ZNF620: variants seen among roughly 807,000 people sequenced by gnomAD.
The protein encoded by ZNF620 is zinc finger protein 620.
A neutral mutation model predicts 13.3 loss-of-function variants in ZNF620; 10 were observed. The ratio of observed to expected loss-of-function variants is 0.75; its 90% CI spans 0.46 to 1.28. The LOEUF (loss-of-function observed/expected upper bound fraction) is 1.28, where lower values mean the gene tolerates loss of function less well. ZNF620 is among the 50% of genes most tolerant of loss of function. ZNF620 has a pLI of 0.00. For missense variants in ZNF620, 461 were observed against 500.2 expected (o/e 0.92, Z 0.75); for synonymous variants, 166 against 177.6 (o/e 0.93, Z 0.52).
chr3:40,507,700 G>T (rs1575285896), intron 2 of ZNF620, among the ~76,000 whole-genome samples: 1 of 152,254 alleles, frequency 6.6e-6, no homozygotes, highest in East Asian at 1.9e-4. Context: ...CAACAGTGAA[G>T]CTATCTAGGC....
intron 2 of ZNF620, among the ~76,000 whole-genome samples, chr3:40,506,731 T>C (rs1698032780): frequency 6.6e-6 from 1 of 152,220 alleles, no homozygotes; most frequent in South Asian, 2.1e-4. Context: ...TCCATTGTAT[T>C]TTCTACATAG....
At position 40,507,229 on chromosome 3, in the gene ZNF620, C is replaced by G. The variant is rs556975230; in HGVS notation, c.24+853C>G. ...GCCTCAGCCTCCCGAGTAGCTGGGA[C>G]TACAAGCACGCGCCACCACACCCAG... On this transcript the variant is annotated intron_variant, in intron 2 of 4. Transcript: ENST00000314529. 2.6e-5 allele frequency among the ~76,000 whole-genome samples: 4 copies of G among 151,402 alleles called. No individual in the cohort carries two copies. In the South Asian group the frequency reaches 6.3e-4, roughly 24 times the overall value.
intron 2 of ZNF620, 62 bp from the exon 3 acceptor site, chr3:40,511,408 C>T: frequency 1.3e-6 from 2 of 1,587,776 alleles, no homozygotes; most frequent in Non-Finnish European, 8.6e-7. Context: ...AGATCTCTGC[C>T]CCACTACTTA....
chr3:40,512,533 C>G lies in ZNF620; in HGVS notation c.265+18C>G. On this transcript the variant is annotated intron_variant, in intron 4 of 4. Transcript: ENST00000314529. ...CTGTCCAGGTGAGCATGAGAACCCA[C>G]TAGCTGCCTTTTTGGCTTGGCTTGC... 1.3e-6 allele frequency: 2 copies of G among 1,552,646 alleles called. No individual in the cohort carries two copies. The highest frequency in any genetic ancestry group is 1.7e-6 in the Non-Finnish European group (2 of 1,148,204).
intron 2 of ZNF620, among the ~76,000 whole-genome samples, chr3:40,509,289 T>C (rs1698126818): frequency 6.6e-6 from 1 of 152,110 alleles, no homozygotes; most frequent in East Asian, 1.9e-4. Flanking sequence ...TGGAGTGCAA[T>C]GGTATGATCT....
In ZNF620 at chr3:40,511,688, C is replaced by CT. The variant is rs995714425; in HGVS notation, c.151+102dup. 6.8e-3 allele frequency: 8,987 copies of CT among 1,316,136 alleles called. 2 individuals are homozygous for CT. Among genetic ancestry groups the CT allele is most frequent in the Middle Eastern group, 0.015 (74 of 4,906 alleles). The allele number at this position is 1,316,136 out of a possible 1,614,324, so 81.5% of individuals were successfully genotyped here. A position where few individuals can be genotyped will look rare whatever the true frequency, so the allele number is the denominator to read the frequency against. ...CTTTGTGGGGTTTTTTTCTTTTTTT[C>CT]TTTTTTTTTTGAGACAAGAGTCTCC... On this transcript the variant is annotated intron_variant, in intron 3 of 4. Coordinates refer to ENST00000314529, the MANE Select transcript of ZNF620 (RefSeq NM_175888.4).
chr3:40,513,096 A>G (rs1160396611), intron 4 of ZNF620, among the ~76,000 whole-genome samples: 1 of 151,968 alleles, frequency 6.6e-6, no homozygotes, highest in Non-Finnish European at 1.5e-5. Flanking sequence ...ACAGATACTT[A>G]AAAAAATTTC....
At chr3:40,509,915 ATGATATCT>A (rs1437125710) in intron 2 of ZNF620, among the ~76,000 whole-genome samples, 1 of 152,076 alleles carries the variant, frequency 6.6e-6, no homozygotes, top group Non-Finnish European at 1.5e-5. Flanking sequence ...CGTTTTTTGC[ATGATATCT>A]TGAAAATTGT....
rs1175873484 is a variant in ZNF620, at chr3:40,512,456, C to G, written c.206C>G (p.Pro69Arg). The G allele has an allele frequency of 1.2e-6, 2 of 1,614,242 alleles. No homozygotes were observed. Among genetic ancestry groups the G allele is most frequent in the Admixed American group, 3.3e-5 (2 of 60,036 alleles). Residue 69 changes from proline (P) to arginine (R), a missense_variant, in exon 4 of 5, where the codon CCA (proline) becomes CGA (arginine). Transcript: ENST00000314529. ...TCCCAGCTGGAGCAAGGGGAACTGC[C>G]ATGGGGCCTCGATCCCTGGGAACCT... ...LVSQLEQGEL[P>R]WGLDPWEPMG...
At chr3:40,515,742 T>C in intron 4 of ZNF620, 118 bp from the exon 5 acceptor site, 1 of 1,321,228 alleles carries the variant, frequency 7.6e-7, no homozygotes, top group Non-Finnish European at 1.0e-6. Context: ...CAGGGCAAAT[T>C]AGAACCACTT....
Position 40,515,845 on chromosome 3 carries a change from T to C in ZNF620, c.266-15T>C. 1 of 1,586,900 alleles carries C rather than the reference T, an allele frequency of 6.3e-7. No individual in the cohort carries two copies. On this transcript the variant is annotated splice_polypyrimidine_tract_variant and intron_variant, in intron 4 of 4. Transcript: ENST00000314529. ...GATATCAGGGACTGACATTTGTATT[T>C]TCTTTTTGTGATAGGGGATGAGGCC...
Position 40,516,549 on chromosome 3 carries a change from T to C in ZNF620, c.955T>C (p.Cys319Arg). The change falls in exon 5 of 5, where the codon TGC becomes CGC. Residue 319 changes from cysteine (C) to arginine (R), a missense_variant. Cys to Arg is a radical substitution (Grantham distance 180). Transcript: ENST00000314529. ...TAACGAATGTTGGAAAACTTTCAGTTGCAGCTCAAGTTTCACTGTCCATCA... is the reference window on the plus strand; with the variant it reads ...TAACGAATGTTGGAAAACTTTCAGTCGCAGCTCAAGTTTCACTGTCCATCA... ...ECNECWKTFS[C>R]SSSFTVHQRM... 1 of 1,614,106 alleles carries C rather than the reference T, an allele frequency of 6.2e-7. No individual in the cohort carries two copies. The highest frequency in any genetic ancestry group is 8.5e-7 in the Non-Finnish European group (1 of 1,180,020).
intron 2 of ZNF620, among the ~76,000 whole-genome samples, chr3:40,509,582 C>T (rs1280834194): frequency 1.3e-5 from 2 of 152,076 alleles, no homozygotes; most frequent in Admixed American, 6.6e-5. Context: ...TATCAGGCAT[C>T]GTTCTTTTCA....
chr3:40,511,625 C>T, intron 3 of ZNF620, 29 bp downstream of exon 3: 1 of 1,607,534 alleles, frequency 6.2e-7, no homozygotes, highest in East Asian at 2.2e-5. Flanking sequence ...TTTTTGGCCT[C>T]TGCCCTTTAA....
rs1489252943 is a variant in ZNF620, at chr3:40,513,317, ATATATAT to A, written c.265+803_265+809del. ...CCGTCTCAACTAAAAAAAAAAAAAA[ATATATAT>A]ATATATATATATATATATATATATA... On this transcript the variant is annotated intron_variant, in intron 4 of 4. Transcript: ENST00000314529. Among the ~76,000 whole-genome samples, 148 of 90,342 alleles carry A rather than the reference ATATATAT, an allele frequency of 1.6e-3. 8 individuals are homozygous for A. Among genetic ancestry groups the A allele is most frequent in the African/African-American group, 6.6e-3 (139 of 21,194 alleles). 59.3% of individuals were successfully genotyped at this position (90,342 alleles called of 152,430 possible).
intron 4 of ZNF620, among the ~76,000 whole-genome samples, chr3:40,514,514 T>C (rs1480639428): frequency 6.6e-6 from 1 of 152,060 alleles, no homozygotes; most frequent in East Asian, 1.9e-4. Flanking sequence ...CCATCTCTCG[T>C]CTCTGCACAT....
In ZNF620 at chr3:40,516,346, C is replaced by T. The variant is rs373531390; in HGVS notation, c.752C>T (p.Pro251Leu). Residue 251 changes from proline (P) to leucine (L), a missense_variant, in exon 5 of 5, where the codon CCA (proline) becomes CTA (leucine). Physicochemically the swap from Pro to Leu is moderately conservative, Grantham distance 98 (BLOSUM62 -3). Transcript: ENST00000314529. The part of the protein sequence containing the change: ...RHQIIHTGKK[P>L]FKCKECGKGL... ...CAGATAATTCACACTGGAAAGAAACCATTTAAATGTAAAGAATGTGGAAAA... is the reference window on the plus strand; with the variant it reads ...CAGATAATTCACACTGGAAAGAAACTATTTAAATGTAAAGAATGTGGAAAA... 2 of 1,614,042 alleles carry T rather than the reference C, an allele frequency of 1.2e-6. No homozygotes were observed. The highest frequency in any genetic ancestry group is 1.7e-6 in the Non-Finnish European group (2 of 1,180,038).
At chr3:40,513,095 T>TA (rs1698248573) in intron 4 of ZNF620, among the ~76,000 whole-genome samples, 1 of 151,868 alleles carries the variant, frequency 6.6e-6, no homozygotes, top group Non-Finnish European at 1.5e-5. Flanking sequence ...CACAGATACT[T>TA]AAAAAAATTT....
intron 2 of ZNF620, among the ~76,000 whole-genome samples, chr3:40,507,798 T>C (rs1052185024): frequency 2.0e-5 from 3 of 152,144 alleles, no homozygotes; most frequent in Non-Finnish European, 4.4e-5. Flanking sequence ...TCTTTTTATT[T>C]ATTTATTTTT....
Sources: allele counts gnomAD v4.1 joint callset (sites outside exome capture counted in the v4.1 genomes callset), GRCh38; gene constraint gnomAD v4.1.1; transcripts MANE v1.5; gene names NCBI Gene and HGNC (gene_info 2026-07-23, HGNC 2026-07-21).